Variants in TSHR observed in about 807,000 individuals in gnomAD.
TSHR encodes the protein thyrotropin receptor.
In TSHR, 51 loss-of-function variants were observed where a neutral mutation model predicts 64.1. That is an observed-to-expected ratio of 0.80 (90% CI 0.64 to 1.01). TSHR has a LOEUF of 1.01. TSHR is among the 50% of genes least tolerant of loss of function. The pLI, the probability that TSHR is intolerant of heterozygous loss-of-function variation, is 0.00. For missense variants in TSHR, 877 were observed against 942.8 expected, an observed-to-expected ratio of 0.93 and a Z score of 0.91; for synonymous variants, 361 against 361.9, an observed-to-expected ratio of 1.00 and a Z score of 0.03.
At chr14:81,137,966 A>G (rs1566832460) in intron 8 of TSHR, among the ~76,000 whole-genome samples, 1 of 152,144 alleles carries the variant, frequency 6.6e-6, no homozygotes. Context: ...AGATGGCCAC[A>G]CCTTGAAGAC....
intron 1 of TSHR, chr14:81,012,801 T>C (rs1186785948): frequency 6.6e-6 from 1 of 151,620 alleles, no homozygotes; most frequent in African/African-American, 2.4e-5. Context: ...TGTTTTTTTC[T>C]TGTAAATTTG....
chr14:81,081,916 C>CA (rs1162774482), intron 3 of TSHR, among the ~76,000 whole-genome samples: 1 of 151,938 alleles, frequency 6.6e-6, no homozygotes, highest in Non-Finnish European at 1.5e-5. Flanking sequence ...CAAACCTAGT[C>CA]AAAATCAAGG....
chr14:81,125,646 G>C (rs1347322598), intron 8 of TSHR, among the ~76,000 whole-genome samples: 2 of 152,098 alleles, frequency 1.3e-5, no homozygotes, highest in Non-Finnish European at 2.9e-5. Flanking sequence ...TGCTTACCAA[G>C]TGAAGCTCTT....
chr14:81,128,657 C>T (rs996839996), intron 8 of TSHR, among the ~76,000 whole-genome samples: 16 of 152,122 alleles, frequency 1.1e-4, no homozygotes, highest in African/African-American at 3.9e-4. Context: ...ATGGTTCTAC[C>T]CCAGCCACAC....
At chr14:81,109,403 T>C (rs1890126202) in intron 8 of TSHR, among the ~76,000 whole-genome samples, 1 of 151,872 alleles carries the variant, frequency 6.6e-6, no homozygotes. Context: ...AGCGAGAGTC[T>C]GTCTCAAAAA....
intron 7 of TSHR, chr14:81,105,285 C>T (rs1889821772): frequency 1.0e-6 from 1 of 957,894 alleles, no homozygotes; most frequent in Non-Finnish European, 1.2e-6. Context: ...AAGCACTTTC[C>T]TGGATATCAA....
intron 1 of TSHR, 132 bp downstream of exon 1, chr14:80,955,982 C>T: frequency 9.0e-7 from 1 of 1,115,266 alleles, no homozygotes; most frequent in Non-Finnish European, 1.3e-6. Flanking sequence ...GAGTGAATGT[C>T]TGTGTGTGTA....
At chr14:81,020,250 G>GT (rs1883673091) in intron 1 of TSHR, among the ~76,000 whole-genome samples, 1 of 152,166 alleles carries the variant, frequency 6.6e-6, no homozygotes, top group Non-Finnish European at 1.5e-5. Context: ...AAAGACTGTG[G>GT]GGAATTAGCA....
intron 1 of TSHR, among the ~76,000 whole-genome samples, chr14:81,019,356 A>T (rs1208325165): frequency 6.6e-6 from 1 of 151,514 alleles, no homozygotes; most frequent in Non-Finnish European, 1.5e-5. Flanking sequence ...AAATGGTTGC[A>T]TGAGCAATTA....
At chr14:81,013,168 C>A (rs1009139588) in intron 1 of TSHR, 8 of 152,140 alleles carry the variant, frequency 5.3e-5, no homozygotes, top group South Asian at 4.1e-4. Flanking sequence ...ATGGCTAGCC[C>A]GTTTTCCCAG....
chr14:81,073,988 C>T (rs7145101), intron 3 of TSHR, among the ~76,000 whole-genome samples: 40,534 of 151,950 alleles, frequency 0.27, 8,611 homozygotes, highest in African/African-American at 0.6. Context: ...ATATAAACCC[C>T]ATTGATCTTA....
At chr14:80,978,076 C>T (rs1398960858) in intron 1 of TSHR, among the ~76,000 whole-genome samples, 1 of 145,100 alleles carries the variant, frequency 6.9e-6, no homozygotes, top group South Asian at 2.3e-4. Context: ...CTTGCCTCCT[C>T]CTCAACAACA....
At chr14:81,090,643 G>A (rs1888655591) in intron 4 of TSHR, among the ~76,000 whole-genome samples, 1 of 152,114 alleles carries the variant, frequency 6.6e-6, no homozygotes. Flanking sequence ...ATCATGTAGA[G>A]CTTGAAAGAG....
At chr14:81,099,690 C>G (rs1387883142) in intron 7 of TSHR, among the ~76,000 whole-genome samples, 1 of 152,164 alleles carries the variant, frequency 6.6e-6, no homozygotes, top group Non-Finnish European at 1.5e-5. Flanking sequence ...CAGATGAAGT[C>G]TGGTCGGCGA....
At chr14:81,141,684 G>A (rs111298902) in intron 9 of TSHR, among the ~76,000 whole-genome samples, 3,009 of 152,176 alleles carry the variant, frequency 0.02, 98 homozygotes, top group African/African-American at 0.067. Flanking sequence ...AGAGGTGGGC[G>A]GATCACTTGA....
chr14:81,045,904 C>T (rs1373691518), intron 1 of TSHR, among the ~76,000 whole-genome samples: 2 of 152,156 alleles, frequency 1.3e-5, no homozygotes, highest in East Asian at 1.9e-4. Context: ...ATTCTCATGG[C>T]ATCATCAGAG....
intron 2 of TSHR, among the ~76,000 whole-genome samples, chr14:81,062,535 C>T (rs751678812): frequency 8.6e-5 from 13 of 152,022 alleles, no homozygotes; most frequent in South Asian, 4.1e-4. Flanking sequence ...ATAAACATCC[C>T]GTAGTTTATA....
chr14:81,087,738 A>G, intron 3 of TSHR: 2 of 603,154 alleles, frequency 3.3e-6, no homozygotes, highest in Non-Finnish European at 5.9e-6. Flanking sequence ...CAAGCCAACA[A>G]TGCAAAAGAG....
At chr14:81,085,193 C>T (rs1474784440) in intron 3 of TSHR, among the ~76,000 whole-genome samples, 2 of 152,148 alleles carry the variant, frequency 1.3e-5, no homozygotes, top group Non-Finnish European at 2.9e-5. Context: ...AACTCCTGAC[C>T]TCAACTGATC....
Sources: allele counts gnomAD v4.1 joint callset (sites outside exome capture counted in the v4.1 genomes callset), GRCh38; gene constraint gnomAD v4.1.1; transcripts MANE v1.5; gene names NCBI Gene and HGNC (gene_info 2026-07-23, HGNC 2026-07-21).